The following TINAG variants were observed in gnomAD, a reference collection of about 807,000 sequenced individuals.
TINAG encodes the protein tubulointerstitial nephritis antigen.
Under a neutral mutation model 72.7 loss-of-function variants are expected in TINAG, and 83 were observed. That is an observed-to-expected ratio of 1.14 (90% CI 0.96 to 1.37). TINAG has a LOEUF of 1.37. Among genes scored for constraint, TINAG ranks in the 40% most tolerant of loss-of-function variants. TINAG has a pLI of 0.00. For missense variants in TINAG, 685 were observed against 576.6 expected, an observed-to-expected ratio of 1.19 and a Z score of -1.93; for synonymous variants, 234 against 189.9, an observed-to-expected ratio of 1.23 and a Z score of -1.91.
intron 1 of TINAG, among the ~76,000 whole-genome samples, chr6:54,317,561 C>T (rs922742337): frequency 7.2e-5 from 11 of 152,236 alleles, no homozygotes; most frequent in African/African-American, 2.4e-4. Flanking sequence ...GCCTCCTCAG[C>T]CATGTGGAAC....
intron 4 of TINAG, among the ~76,000 whole-genome samples, chr6:54,342,135 T>A (rs1785011961): frequency 6.6e-6 from 1 of 152,118 alleles, no homozygotes; most frequent in Admixed American, 6.6e-5. Context: ...CGTTATTTGG[T>A]TTAAGCCTGA....
chr6:54,387,357 A>G (rs939051083), intron 10 of TINAG, among the ~76,000 whole-genome samples: 1 of 152,208 alleles, frequency 6.6e-6, no homozygotes, highest in African/African-American at 2.4e-5. Context: ...CACCAGGAGA[A>G]TGGATAAACT....
In TINAG at chr6:54,308,732, G is replaced by T. The variant is rs1362126975; in HGVS notation, c.182G>T (p.Gly61Val). ...IFQGQYCRNF[G>V]CCEDRDDGCV... ...CAAGGGCAATACTGTAGAAATTTTG[G>T]CTGTTGTGAAGACAGAGATGATGGC... Residue 61 changes from glycine to valine, a missense_variant, in exon 1 of 11, where the codon GGC (glycine) becomes GTC (valine). Physicochemically the swap from Gly to Val is moderately radical, Grantham distance 109 (BLOSUM62 -3). Coordinates refer to ENST00000259782, the MANE Select transcript of TINAG (RefSeq NM_014464.4). 2 of 1,613,854 alleles carry T rather than the reference G, an allele frequency of 1.2e-6. No individual in the cohort carries two copies.
chr6:54,345,011 TA>T (rs1785087499), intron 5 of TINAG, among the ~76,000 whole-genome samples: 1 of 152,160 alleles, frequency 6.6e-6, no homozygotes, highest in South Asian at 2.1e-4. Context: ...ACATATATTT[TA>T]AAAACTTATG....
intron 3 of TINAG, among the ~76,000 whole-genome samples, chr6:54,322,864 G>C (rs1309831790): frequency 6.6e-6 from 1 of 152,168 alleles, no homozygotes; most frequent in African/African-American, 2.4e-5. Flanking sequence ...GAAGATGAGA[G>C]TATATGTCAT....
intron 4 of TINAG, among the ~76,000 whole-genome samples, chr6:54,336,783 T>C (rs1304706593): frequency 6.6e-6 from 1 of 152,120 alleles, no homozygotes. Flanking sequence ...AATTAAAATA[T>C]TAAGAAGGCT....
At chr6:54,312,307 A>G (rs1374232637) in intron 1 of TINAG, among the ~76,000 whole-genome samples, 2 of 151,932 alleles carry the variant, frequency 1.3e-5, no homozygotes, top group Non-Finnish European at 2.9e-5. Flanking sequence ...ACTGTATTAT[A>G]TATTTTTAAA....
At chr6:54,333,615 A>AT (rs1227269725) in intron 4 of TINAG, among the ~76,000 whole-genome samples, 1 of 140,130 alleles carries the variant, frequency 7.1e-6, no homozygotes, top group Non-Finnish European at 1.5e-5. Flanking sequence ...TTGAAGTATA[A>AT]TAAAAAAAAA....
intron 6 of TINAG, 78 bp downstream of exon 6, chr6:54,347,595 G>T (rs1229042451): frequency 6.8e-7 from 1 of 1,475,708 alleles, no homozygotes; most frequent in African/African-American, 1.4e-5. Context: ...ATAATCCCAA[G>T]ATTTTTACAA....
chr6:54,342,473 AT>A (rs946184783), intron 4 of TINAG, among the ~76,000 whole-genome samples: 8 of 151,192 alleles, frequency 5.3e-5, no homozygotes, highest in Non-Finnish European at 1.2e-4. Context: ...GGTTCAAGTG[AT>A]TCTCCCACCT....
At chr6:54,329,881 A>T (rs1475079692) in intron 4 of TINAG, among the ~76,000 whole-genome samples, 1 of 152,106 alleles carries the variant, frequency 6.6e-6, no homozygotes, top group African/African-American at 2.4e-5. Flanking sequence ...CAAGAAGGGC[A>T]TTACATAATG....
chr6:54,354,515 A>G lies in TINAG; in HGVS notation c.1129A>G (p.Ile377Val), dbSNP rs151324961. Residue 377 changes from isoleucine to valine, a missense_variant and splice_region_variant, in exon 9 of 11, where the codon ATA becomes GTA. By Grantham distance (29) the Ile-to-Val change is conservative. Transcript: ENST00000259782. ...EIMQNGPVQA[I>V]MQVREDFFHY... Reference sequence around the variant, plus strand: ...TGTTCTGTTGGATTTTATTTTAGCCATAATGCAAGTCCGTGAAGATTTCTT... The same window carrying G: ...TGTTCTGTTGGATTTTATTTTAGCCGTAATGCAAGTCCGTGAAGATTTCTT... 5 of 1,599,630 alleles carry G rather than the reference A, an allele frequency of 3.1e-6. No homozygotes were observed. The African/African-American group carries it at 4.1e-5, about 13-fold the overall frequency.
At chr6:54,317,134 A>G (rs1310402193) in intron 1 of TINAG, among the ~76,000 whole-genome samples, 7 of 152,136 alleles carry the variant, frequency 4.6e-5, no homozygotes, top group African/African-American at 1.4e-4. Flanking sequence ...ACCTACCTCC[A>G]TCTGGGTTAC....
At chr6:54,348,228 A>G (rs907175408) in intron 6 of TINAG, among the ~76,000 whole-genome samples, 11 of 152,082 alleles carry the variant, frequency 7.2e-5, no homozygotes, top group African/African-American at 2.4e-4. Context: ...TGTATGTCAG[A>G]TTTTGATGGG....
rs1050541646 is a variant in TINAG, at chr6:54,363,063, T to A, written c.1250+8427T>A. ...GAGGAAGTAAAGTCTGAGCTGGGAT[T>A]TATGGGTTGTATAGAAACATGCAAA... On this transcript the variant is annotated intron_variant, in intron 9 of 10. Transcript: ENST00000259782. Among the ~76,000 whole-genome samples, 4 of 151,516 alleles carry A rather than the reference T, an allele frequency of 2.6e-5. No individual in the cohort carries two copies. The Admixed American group carries it at 2.6e-4, about 10-fold the overall frequency.
chr6:54,386,827 A>C (rs1468520657), intron 10 of TINAG, among the ~76,000 whole-genome samples: 1 of 152,188 alleles, frequency 6.6e-6, no homozygotes, highest in Non-Finnish European at 1.5e-5. Context: ...TCTCGAAGAA[A>C]ACATAGGCAA....
intron 4 of TINAG, among the ~76,000 whole-genome samples, chr6:54,341,085 A>T (rs528208343): frequency 6.6e-6 from 1 of 152,152 alleles, no homozygotes; most frequent in Admixed American, 6.6e-5. Flanking sequence ...AGTAGAAGGA[A>T]CATATCCTAG....
intron 4 of TINAG, among the ~76,000 whole-genome samples, chr6:54,336,430 T>C (rs1253933060): frequency 6.6e-6 from 1 of 152,140 alleles, no homozygotes; most frequent in Non-Finnish European, 1.5e-5. Context: ...AGAGTTTATA[T>C]ATTTCTGGTG....
chr6:54,314,754 G>T (rs73741229), intron 1 of TINAG, among the ~76,000 whole-genome samples: 1,917 of 152,042 alleles, frequency 0.013, 27 homozygotes, highest in African/African-American at 0.042. Context: ...CTTATTTGAG[G>T]CATACAGTGC....
Sources: allele counts gnomAD v4.1 joint callset (sites outside exome capture counted in the v4.1 genomes callset), GRCh38; gene constraint gnomAD v4.1.1; transcripts MANE v1.5; gene names NCBI Gene and HGNC (gene_info 2026-07-23, HGNC 2026-07-21).